PRKDC: variants seen among roughly 807,000 people sequenced by gnomAD.
The protein encoded by PRKDC is DNA-dependent protein kinase catalytic subunit.
Under a neutral mutation model 486.9 loss-of-function variants are expected in PRKDC, and 82 were observed. The ratio of observed to expected loss-of-function variants is 0.17; its 90% CI spans 0.14 to 0.20. PRKDC has a LOEUF of 0.20. PRKDC is among the 10% of genes least tolerant of loss of function. PRKDC has a pLI of 1.00. For missense variants in PRKDC, 4,504 were observed against 5,038.2 expected, an observed-to-expected ratio of 0.89 and a Z score of 3.21; for synonymous variants, 1,895 against 1,837.0, an observed-to-expected ratio of 1.03 and a Z score of -0.81.
chr8:47,938,399 G>A (rs1236657295), intron 11 of PRKDC, among the ~76,000 whole-genome samples: 70 of 138,706 alleles, frequency 5.0e-4, no homozygotes, highest in African/African-American at 1.8e-3. Flanking sequence ...CAACAAAAGC[G>A]AAACTCCAAC....
intron 63 of PRKDC, among the ~76,000 whole-genome samples, chr8:47,824,468 CAAA>C (rs11369602): frequency 5.3e-5 from 2 of 37,694 alleles, no homozygotes; most frequent in Admixed American, 7.2e-4. Context: ...GACTCCGCCT[CAAA>C]AAAAAAAAAA....
At chr8:47,839,949 C>T (rs752397967) in intron 55 of PRKDC, 67 bp downstream of exon 55, 1 of 1,295,904 alleles carries the variant, frequency 7.7e-7, no homozygotes, top group South Asian at 1.6e-5. Flanking sequence ...TGTACTCCAG[C>T]CTCGTCGACA....
intron 40 of PRKDC, among the ~76,000 whole-genome samples, chr8:47,873,188 G>A (rs2088997678): frequency 7.1e-6 from 1 of 141,548 alleles, no homozygotes; most frequent in African/African-American, 2.6e-5. Context: ...TCACTGTTAG[G>A]TATACACACA....
At position 47,885,948 on chromosome 8, in the gene PRKDC, T is replaced by C. The variant is rs779466488; in HGVS notation, c.4772A>G (p.Lys1591Arg). 2 of 1,611,422 alleles carry C rather than the reference T, an allele frequency of 1.2e-6. No homozygotes were observed. Among genetic ancestry groups the C allele is most frequent in the Non-Finnish European group, 1.7e-6 (2 of 1,178,056 alleles). ...ELMQSSVDNT[K>R]MVSAVLNGML... ...TTTAAAGGGAAACTTTGTTACCATT[T>C]TGGTATTATCCACTGAAGACTGCAT... The change falls in exon 36 of 86, where the codon AAA becomes AGA. Residue 1591 changes from lysine to arginine, a missense_variant. By Grantham distance (26) the Lys-to-Arg change is conservative. Transcript: ENST00000314191.
chr8:47,827,933 C>T (rs1484839839), intron 62 of PRKDC, among the ~76,000 whole-genome samples: 2 of 152,160 alleles, frequency 1.3e-5, no homozygotes, highest in Non-Finnish European at 2.9e-5. Context: ...TGGCTTATTA[C>T]AAAATAAAAC....
intron 4 of PRKDC, 38 bp from the exon 5 acceptor site, chr8:47,954,484 G>A (rs776200426): frequency 2.2e-5 from 18 of 803,550 alleles, no homozygotes; most frequent in South Asian, 2.9e-5. Context: ...TGTAGTGCGG[G>A]AATCAAGAAA....
intron 68 of PRKDC, among the ~76,000 whole-genome samples, chr8:47,810,945 C>T (rs2087312825): frequency 1.3e-5 from 2 of 152,068 alleles, no homozygotes; most frequent in Non-Finnish European, 1.5e-5. Flanking sequence ...GGAACAATGT[C>T]AAAAGGCACG....
chr8:47,849,951 C>A (rs867905946), intron 52 of PRKDC, among the ~76,000 whole-genome samples: 5 of 152,326 alleles, frequency 3.3e-5, no homozygotes, highest in Middle Eastern at 3.4e-3. Flanking sequence ...TCAAGCAATT[C>A]TATTCACACA....
chr8:47,877,184 T>A (rs953849968), intron 40 of PRKDC, among the ~76,000 whole-genome samples: 6 of 152,146 alleles, frequency 3.9e-5, no homozygotes, highest in African/African-American at 1.4e-4. Context: ...AAATAAATAA[T>A]AGAGGAGACT....
At position 47,953,613 on chromosome 8, in the gene PRKDC, G is replaced by T; in HGVS notation, c.721+7C>A. On this transcript the variant is annotated splice_region_variant and intron_variant, in intron 7 of 85. Transcript: ENST00000314191. Reference sequence around the variant, plus strand: ...AATAAAGAAAATCAAGTGAAGCCAAGCAATACCTTCTTCCATGGACTTAGT... The same window carrying T: ...AATAAAGAAAATCAAGTGAAGCCAATCAATACCTTCTTCCATGGACTTAGT... 6.2e-7 allele frequency: 1 copy of T among 1,608,110 alleles called. No individual in the cohort carries two copies. The highest frequency in any genetic ancestry group is 8.5e-7 in the Non-Finnish European group (1 of 1,176,284).
intron 10 of PRKDC, among the ~76,000 whole-genome samples, chr8:47,941,976 A>T (rs2090452757): frequency 6.6e-6 from 1 of 152,206 alleles, no homozygotes; most frequent in African/African-American, 2.4e-5. Flanking sequence ...CAGTGGAGGG[A>T]GGGCTGGCCG....
intron 70 of PRKDC, 88 bp from the exon 71 acceptor site, chr8:47,801,074 C>G: frequency 7.5e-7 from 1 of 1,332,194 alleles, no homozygotes; most frequent in East Asian, 2.5e-5. Flanking sequence ...TAGAAGTTTT[C>G]TTTTCTTTTG....
At position 47,778,328 on chromosome 8, in the gene PRKDC, T is replaced by C. The variant is rs1209805192; in HGVS notation, c.11853+131A>G. 6 of 996,224 alleles carry C rather than the reference T, an allele frequency of 6.0e-6. No individual in the cohort carries two copies. The African/African-American group carries it at 9.7e-5, about 16-fold the overall frequency. The allele number at this position is 996,224 out of a possible 1,614,324, so 61.7% of individuals were successfully genotyped here. A position where few individuals can be genotyped will look rare whatever the true frequency, so the allele number is the denominator to read the frequency against. Reference sequence around the variant, plus strand: ...ACTAAGTGATTATCCCTTTCTGCATTCAATGACCATGACAAAACGAATCTA... The same window carrying C: ...ACTAAGTGATTATCCCTTTCTGCATCCAATGACCATGACAAAACGAATCTA... On this transcript the variant is annotated intron_variant, in intron 83 of 85. Coordinates refer to ENST00000314191, the MANE Select transcript of PRKDC (RefSeq NM_006904.7).
chr8:47,858,714 C>T, intron 47 of PRKDC, 79 bp from the exon 48 acceptor site: 1 of 1,435,166 alleles, frequency 7.0e-7, no homozygotes, highest in South Asian at 1.5e-5. Context: ...AAAACAAGGA[C>T]AAAGTAAGAC....
At chr8:47,878,490 C>A (rs953674072) in intron 39 of PRKDC, among the ~76,000 whole-genome samples, 1 of 152,050 alleles carries the variant, frequency 6.6e-6, no homozygotes, top group South Asian at 2.1e-4. Flanking sequence ...CAACAGGCCC[C>A]CCTCCTTCAC....
chr8:47,874,199 T>C (rs548532704), intron 40 of PRKDC, among the ~76,000 whole-genome samples: 2 of 151,988 alleles, frequency 1.3e-5, no homozygotes, highest in Admixed American at 1.3e-4. Context: ...TCTGCCCGCC[T>C]TGGCCTCCCA....
intron 40 of PRKDC, among the ~76,000 whole-genome samples, chr8:47,876,294 T>A (rs1311305252): frequency 6.6e-6 from 1 of 152,196 alleles, no homozygotes; most frequent in Non-Finnish European, 1.5e-5. Context: ...TCAATATAGA[T>A]AAATGCCAAT....
chr8:47,908,377 C>A lies in PRKDC; in HGVS notation c.2935-3401G>T, dbSNP rs528157319. 2.8e-4 allele frequency among the ~76,000 whole-genome samples: 42 copies of A among 152,254 alleles called. No homozygotes were observed. The South Asian group carries it at 7.9e-3, about 29-fold the overall frequency. ...ATCTGATCTCTTCAGTAGTATGTTG[C>A]ACATTATACATGTTACAATGTTGGT... is the stretch of plus-strand genomic sequence containing the variant. On this transcript the variant is annotated intron_variant, in intron 25 of 85. Coordinates refer to ENST00000314191, the MANE Select transcript of PRKDC (RefSeq NM_006904.7).
At chr8:47,821,552 A>G in intron 65 of PRKDC, 52 bp downstream of exon 65, 1 of 1,515,298 alleles carries the variant, frequency 6.6e-7, no homozygotes, top group Non-Finnish European at 9.0e-7. Context: ...TGTTAAGTAG[A>G]AAACACCTAT....
Sources: gnomAD v4.1 joint callset for allele counts (sites outside exome capture counted in the v4.1 genomes callset) on GRCh38, gnomAD v4.1.1 for gene constraint, MANE v1.5 for transcripts, NCBI Gene and HGNC (gene_info 2026-07-23, HGNC 2026-07-21) for gene names.